Variants in NCOR1 observed in about 807,000 individuals in gnomAD.
NCOR1 encodes the protein protein phosphatase 1, regulatory subunit 109.
NCOR1 carries 63 observed loss-of-function variants against 288.1 expected under a neutral mutation model. That is an observed-to-expected ratio of 0.22 (90% CI 0.18 to 0.27). The LOEUF is 0.27. Among genes scored for constraint, NCOR1 ranks in the 10% least tolerant of loss-of-function variants. The pLI is 1.00. For missense variants in NCOR1, 2,397 were observed against 3,019.2 expected (o/e 0.79, Z 4.83); for synonymous variants, 1,007 against 1,065.9 (o/e 0.94, Z 1.08).
At chr17:16,050,100 A>C (rs78233018) in intron 40 of NCOR1, among the ~76,000 whole-genome samples, 2,474 of 151,744 alleles carry the variant, frequency 0.016, 44 homozygotes, top group Non-Finnish European at 0.023. Context: ...GCCCATTTTT[A>C]ATTTTTTGTA....
At chr17:16,203,870 T>C (rs2091175561) in intron 1 of NCOR1, among the ~76,000 whole-genome samples, 1 of 152,160 alleles carries the variant, frequency 6.6e-6, no homozygotes, top group Non-Finnish European at 1.5e-5. Context: ...AGATGTCAAT[T>C]TCCCCAAACT....
At chr17:16,154,391 A>G (rs2079374137) in intron 6 of NCOR1, among the ~76,000 whole-genome samples, 1 of 152,226 alleles carries the variant, frequency 6.6e-6, no homozygotes, top group Non-Finnish European at 1.5e-5. Context: ...CTATGTGCCA[A>G]GCACTCACTA....
At chr17:16,142,328 A>G (rs753936550) in intron 11 of NCOR1, among the ~76,000 whole-genome samples, 11 of 152,222 alleles carry the variant, frequency 7.2e-5, no homozygotes, top group Non-Finnish European at 1.3e-4. Flanking sequence ...ATTTAAGTCT[A>G]CTTAACATTT....
At chr17:16,176,736 G>A (rs2084278872) in intron 3 of NCOR1, among the ~76,000 whole-genome samples, 1 of 152,040 alleles carries the variant, frequency 6.6e-6, no homozygotes, top group African/African-American at 2.4e-5. Context: ...ATTCTGCTAT[G>A]TAGAAGTTTG....
At chr17:16,070,792 G>A (rs552479100) in intron 30 of NCOR1, among the ~76,000 whole-genome samples, 1 of 152,264 alleles carries the variant, frequency 6.6e-6, no homozygotes, top group Non-Finnish European at 1.5e-5. Context: ...CGCTTTGGGA[G>A]GCTGAGGTGG....
intron 32 of NCOR1, among the ~76,000 whole-genome samples, chr17:16,066,570 G>C (rs1391189696): frequency 6.6e-6 from 1 of 152,184 alleles, no homozygotes; most frequent in Non-Finnish European, 1.5e-5. Context: ...GAGAACTTGA[G>C]TGACCTATTT....
chr17:16,193,103 T>A (rs1668968045), intron 2 of NCOR1, among the ~76,000 whole-genome samples: 1 of 152,158 alleles, frequency 6.6e-6, no homozygotes. Context: ...GTTAGAAATG[T>A]TGTTCATCTT....
chr17:16,106,412 A>G (rs1367469382), intron 19 of NCOR1, among the ~76,000 whole-genome samples: 3 of 149,378 alleles, frequency 2.0e-5, no homozygotes, highest in Non-Finnish European at 4.5e-5. Flanking sequence ...GCCAAACATG[A>G]GTATCTTTTT....
At position 16,106,883 on chromosome 17, in the gene NCOR1, A is replaced by C. The variant is rs199882378; in HGVS notation, c.2182+1903T>G. Among the ~76,000 whole-genome samples, 94 of 31,408 alleles carry C rather than the reference A, an allele frequency of 3.0e-3. 3 individuals are homozygous for C. Among genetic ancestry groups the C allele is most frequent in the Admixed American group, 5.9e-3 (9 of 1,534 alleles). 20.6% of individuals were successfully genotyped at this position (31,408 alleles called of 152,430 possible). On this transcript the variant is annotated intron_variant, in intron 19 of 45. Coordinates refer to ENST00000268712, the MANE Select transcript of NCOR1 (RefSeq NM_006311.4). ...TATATATATATATATATATATATATATTTTTTTTTTTTTTTTTTTTTTTTT... is the reference window on the plus strand; with the variant it reads ...TATATATATATATATATATATATATCTTTTTTTTTTTTTTTTTTTTTTTTT...
chr17:16,195,949 G>C (rs554987888), intron 1 of NCOR1, among the ~76,000 whole-genome samples: 1 of 151,790 alleles, frequency 6.6e-6, no homozygotes, highest in African/African-American at 2.4e-5. Flanking sequence ...GTATAAAAAT[G>C]TGTGCCATAA....
chr17:16,133,455 C>G (rs2075957651), intron 14 of NCOR1, among the ~76,000 whole-genome samples: 1 of 152,144 alleles, frequency 6.6e-6, no homozygotes, highest in African/African-American at 2.4e-5. Flanking sequence ...ACCCTCCTGA[C>G]TAGAGCTTGG....
intron 40 of NCOR1, among the ~76,000 whole-genome samples, chr17:16,056,458 C>A (rs2059941786): frequency 6.6e-6 from 1 of 151,838 alleles, no homozygotes; most frequent in Non-Finnish European, 1.5e-5. Context: ...ATTACAGGCA[C>A]CTGCCATCAT....
chr17:16,116,875 T>C (rs1366786445), intron 18 of NCOR1, among the ~76,000 whole-genome samples: 2 of 152,248 alleles, frequency 1.3e-5, no homozygotes, highest in East Asian at 3.8e-4. Context: ...GAAAAATACA[T>C]TGAGTACTAG....
Position 16,070,514 on chromosome 17 carries a change from T to G in NCOR1, c.4164A>C (p.Ile1388=). ...IEGSISQGTP[I]KFDNNSGQSA... is the part of the protein sequence containing the mutation. ...ATTGACCTGAGTTGTTGTCAAACTT[T>G]ATTGGTGTGCCCTAAAGGGAAAGAA... is the stretch of plus-strand genomic sequence containing the variant. Residue 1388 remains isoleucine (I), a synonymous_variant, in exon 31 of 46, where the codon ATA becomes ATC. Transcript: ENST00000268712. The G allele has an allele frequency of 6.2e-7, 1 of 1,613,886 alleles. No homozygotes were observed. Among genetic ancestry groups the G allele is most frequent in the South Asian group, 1.1e-5 (1 of 91,052 alleles).
chr17:16,034,746 G>A lies in NCOR1; in HGVS notation c.7135+19C>T, dbSNP rs1473258809. 6 of 1,588,264 alleles carry A rather than the reference G, an allele frequency of 3.8e-6. No homozygotes were observed. The highest frequency in any genetic ancestry group is 5.1e-6 in the Non-Finnish European group (6 of 1,167,086). ...ATTATTGCTCTGTCTCATTTTCTAAGTTAAAGCAGAATCCTTACCTGTTGA... is the reference window on the plus strand; with the variant it reads ...ATTATTGCTCTGTCTCATTTTCTAAATTAAAGCAGAATCCTTACCTGTTGA... On this transcript the variant is annotated intron_variant, in intron 45 of 45. Transcript: ENST00000268712.
chr17:16,046,990 G>A lies in NCOR1; in HGVS notation c.6640C>T (p.Arg2214Cys), dbSNP rs763924640. 78 of 1,614,006 alleles carry A rather than the reference G, an allele frequency of 4.8e-5. No individual in the cohort carries two copies. Among genetic ancestry groups the A allele is most frequent in the Non-Finnish European group, 6.4e-5 (75 of 1,179,960 alleles). ...CCTCCACCAGAGGAGTTCAACTTAC[G>A]AAAAATCTCCTGCTTCTTTGATTTA... is the stretch of plus-strand genomic sequence containing the variant. ...MVKSKKQEIF[R>C]KLNSSGGGDS... The change falls in exon 42 of 46, where the codon CGT (arginine) becomes TGT (cysteine). Residue 2214 changes from arginine (R) to cysteine (C), a missense_variant. Physicochemically the swap from Arg to Cys is radical, Grantham distance 180. Coordinates refer to ENST00000268712, the MANE Select transcript of NCOR1 (RefSeq NM_006311.4).
intron 40 of NCOR1, chr17:16,057,241 C>T (rs976455171): frequency 2.4e-6 from 1 of 417,308 alleles, no homozygotes; most frequent in South Asian, 2.5e-5. Context: ...CCCCAAACCA[C>T]TACCAAACTA....
chr17:16,194,421 C>A (rs1479545932), intron 2 of NCOR1, 41 bp downstream of exon 2: 3 of 1,343,964 alleles, frequency 2.2e-6, no homozygotes, highest in Non-Finnish European at 2.1e-6. Context: ...TAAAGAAAAA[C>A]ACAAAAAACA....
chr17:16,081,699 T>C (rs1265154106), intron 23 of NCOR1, among the ~76,000 whole-genome samples: 13 of 152,184 alleles, frequency 8.5e-5, no homozygotes, highest in Admixed American at 8.5e-4. Context: ...GGTGCAGACT[T>C]GTCAAAAACA....
Sources: allele counts gnomAD v4.1 joint callset (sites outside exome capture counted in the v4.1 genomes callset), GRCh38; gene constraint gnomAD v4.1.1; transcripts MANE v1.5; gene names NCBI Gene and HGNC (gene_info 2026-07-23, HGNC 2026-07-21).